Variants in NMNAT3 observed in about 807,000 individuals in gnomAD.
The protein encoded by NMNAT3 is nicotinamide/nicotinic acid mononucleotide adenylyltransferase 3.
A neutral mutation model predicts 24.8 loss-of-function variants in NMNAT3; 21 were observed. The observed-to-expected ratio is 0.85, with a 90% CI of 0.60 to 1.22. The LOEUF (loss-of-function observed/expected upper bound fraction) is 1.22, where lower values mean the gene tolerates loss of function less well. NMNAT3 is among the 50% of genes most tolerant of loss of function. The pLI is 0.00. For synonymous variants in NMNAT3, 136 were observed against 155.2 expected (o/e 0.88, Z 0.92); for missense variants, 387 against 436.6 (o/e 0.89, Z 1.01).
chr3:139,627,765 C>G lies in NMNAT3; in HGVS notation c.-40-1G>C. On this transcript the variant is annotated splice_acceptor_variant, in intron 2 of 6. Transcript: ENST00000643695. LOFTEE classifies it low-confidence loss of function (5UTR_SPLICE). Reference sequence around the variant, plus strand: ...CACACCTGTTGCAGTGGCCACCCTGCTTTTATGGGGACAAAAGCTCATGTC... The same window carrying G: ...CACACCTGTTGCAGTGGCCACCCTGGTTTTATGGGGACAAAAGCTCATGTC... The G allele has an allele frequency of 1.6e-6, 2 of 1,232,368 alleles. No homozygotes were observed. The highest frequency in any genetic ancestry group is 2.3e-6 in the Non-Finnish European group (2 of 874,520). The allele number at this position is 1,232,368 out of a possible 1,614,324, so 76.3% of individuals were successfully genotyped here.
At chr3:139,646,476 T>C (rs2108372782) in intron 1 of NMNAT3, among the ~76,000 whole-genome samples, 1 of 152,336 alleles carries the variant, frequency 6.6e-6, no homozygotes, top group Non-Finnish European at 1.5e-5. Context: ...CTGTCTGAAA[T>C]GAGGCAACCA....
intron 1 of NMNAT3, among the ~76,000 whole-genome samples, chr3:139,650,948 A>T (rs1299398475): frequency 6.6e-6 from 1 of 152,236 alleles, no homozygotes; most frequent in East Asian, 1.9e-4. Flanking sequence ...GAACAGTAGG[A>T]TCCAAGAAGT....
intron 1 of NMNAT3, among the ~76,000 whole-genome samples, chr3:139,640,057 C>T (rs2056646110): frequency 6.6e-6 from 1 of 152,184 alleles, no homozygotes; most frequent in African/African-American, 2.4e-5. Context: ...AACCCCTTCC[C>T]AGTGAGGTGG....
intron 6 of NMNAT3, among the ~76,000 whole-genome samples, 186 bp downstream of exon 6, chr3:139,573,412 G>A (rs527855423): frequency 6.6e-6 from 1 of 152,258 alleles, no homozygotes; most frequent in African/African-American, 2.4e-5. Flanking sequence ...AGGGGGTGGT[G>A]GCAGATTGTC....
At position 139,561,173 on chromosome 3, in the gene NMNAT3, T is replaced by G. The variant is rs756219054; in HGVS notation, c.878A>C (p.Glu293Ala). The G allele has an allele frequency of 6.2e-7, 1 of 1,614,184 alleles. No individual in the cohort carries two copies. The highest frequency in any genetic ancestry group is 8.5e-7 in the Non-Finnish European group (1 of 1,180,028). The change falls in exon 7 of 7, where the codon GAG becomes GCG. Residue 293 changes from glutamate (E) to alanine (A), a missense_variant. Transcript: ENST00000643695. ...TCGCCTGATGTATGTGGCACTGATCTCATTCTGCACAGGCTCCTTGGCCAG... is the reference window on the plus strand; with the variant it reads ...TCGCCTGATGTATGTGGCACTGATCGCATTCTGCACAGGCTCCTTGGCCAG...
At chr3:139,662,422 T>G (rs961306788) in intron 1 of NMNAT3, among the ~76,000 whole-genome samples, 1 of 152,104 alleles carries the variant, frequency 6.6e-6, no homozygotes, top group Non-Finnish European at 1.5e-5. Context: ...AATGAGACAG[T>G]GTCACAGAGT....
intron 1 of NMNAT3, among the ~76,000 whole-genome samples, chr3:139,668,672 C>A (rs983465592): frequency 9.2e-5 from 14 of 152,130 alleles, no homozygotes; most frequent in African/African-American, 3.4e-4. Flanking sequence ...ATGGCAGGGA[C>A]AAGTACAAAG....
chr3:139,596,962 A>T (rs1007835003), intron 3 of NMNAT3, among the ~76,000 whole-genome samples: 2,596 of 109,030 alleles, frequency 0.024, 148 homozygotes, highest in African/African-American at 0.089. Flanking sequence ...ATATATATAT[A>T]TATTTTTATT....
chr3:139,599,547 AG>A (rs1016881230), intron 3 of NMNAT3: 9 of 613,822 alleles, frequency 1.5e-5, no homozygotes, highest in Middle Eastern at 2.5e-4. Flanking sequence ...TAGCATGTTA[AG>A]AAAAAACATA....
intron 1 of NMNAT3, among the ~76,000 whole-genome samples, chr3:139,647,624 A>C (rs1003368141): frequency 2.0e-5 from 3 of 152,190 alleles, no homozygotes; most frequent in Non-Finnish European, 2.9e-5. Flanking sequence ...AAGATGGAAG[A>C]GGGAAATTTG....
chr3:139,629,932 G>C (rs926157726), intron 2 of NMNAT3, among the ~76,000 whole-genome samples: 2 of 152,140 alleles, frequency 1.3e-5, no homozygotes, highest in Non-Finnish European at 2.9e-5. Context: ...ACCTATATCA[G>C]TTAGGGATAT....
chr3:139,621,690 C>G (rs535212467), intron 3 of NMNAT3, among the ~76,000 whole-genome samples: 2 of 152,036 alleles, frequency 1.3e-5, no homozygotes, highest in Non-Finnish European at 2.9e-5. Context: ...TTCCTTCTGT[C>G]TTACTGCATG....
At chr3:139,628,359 TATAA>T (rs570665663) in intron 2 of NMNAT3, among the ~76,000 whole-genome samples, 35 of 152,376 alleles carry the variant, frequency 2.3e-4, no homozygotes, top group African/African-American at 8.2e-4. Flanking sequence ...CATACCTGTT[TATAA>T]ATATTTTTTC....
At chr3:139,664,086 T>C (rs2057502747) in intron 1 of NMNAT3, among the ~76,000 whole-genome samples, 1 of 152,224 alleles carries the variant, frequency 6.6e-6, no homozygotes, top group Non-Finnish European at 1.5e-5. Context: ...TGAAGACTTG[T>C]TTGTTGAGAG....
chr3:139,651,575 A>T (rs548805265), intron 1 of NMNAT3, among the ~76,000 whole-genome samples: 13 of 152,296 alleles, frequency 8.5e-5, no homozygotes, highest in African/African-American at 3.1e-4. Flanking sequence ...TCTCCATCAG[A>T]CATGATGAGA....
intron 3 of NMNAT3, among the ~76,000 whole-genome samples, chr3:139,588,560 G>A (rs1433508776): frequency 6.6e-6 from 1 of 152,118 alleles, no homozygotes; most frequent in Non-Finnish European, 1.5e-5. Flanking sequence ...AAGGCAGTAA[G>A]AGGCAAGCTG....
intron 1 of NMNAT3, among the ~76,000 whole-genome samples, chr3:139,656,703 G>T (rs2057255929): frequency 6.6e-6 from 1 of 152,114 alleles, no homozygotes; most frequent in South Asian, 2.1e-4. Flanking sequence ...GAAATGGGAG[G>T]ATCTCTTGAG....
chr3:139,643,289 T>C (rs998124756), intron 1 of NMNAT3, among the ~76,000 whole-genome samples: 13 of 152,180 alleles, frequency 8.5e-5, no homozygotes, highest in African/African-American at 1.9e-4. Flanking sequence ...GCAGCTGCTA[T>C]AGAAAACAGT....
intron 1 of NMNAT3, among the ~76,000 whole-genome samples, chr3:139,658,621 G>A (rs1301512750): frequency 6.6e-6 from 1 of 152,146 alleles, no homozygotes; most frequent in Non-Finnish European, 1.5e-5. Context: ...TTTACTGTTT[G>A]TTTTATCATA....
Sources: gnomAD v4.1 joint callset for allele counts (sites outside exome capture counted in the v4.1 genomes callset) on GRCh38, gnomAD v4.1.1 for gene constraint, MANE v1.5 for transcripts, NCBI Gene and HGNC (gene_info 2026-07-23, HGNC 2026-07-21) for gene names.